Variants in SIN3B observed in about 807,000 individuals in gnomAD.
SIN3B encodes SIN3 transcription regulator family member B, also known as paired amphipathic helix protein Sin3b.
In SIN3B, 19 loss-of-function variants were observed where a neutral mutation model predicts 120.2. The ratio of observed to expected loss-of-function variants is 0.16; its 90% CI spans 0.11 to 0.23. The LOEUF is 0.23. Among genes scored for constraint, SIN3B ranks in the 10% least tolerant of loss-of-function variants. The pLI, the probability that SIN3B is intolerant of heterozygous loss-of-function variation, is 1.00. For missense variants in SIN3B, 1,073 were observed against 1,573.0 expected (o/e 0.68, Z 5.38); for synonymous variants, 654 against 653.2 (o/e 1.00, Z -0.02).
intron 5 of SIN3B, among the ~76,000 whole-genome samples, chr19:16,850,821 A>G (rs1468191748): frequency 6.6e-6 from 1 of 152,192 alleles, no homozygotes; most frequent in Non-Finnish European, 1.5e-5. Flanking sequence ...CCTGCTCGGG[A>G]CAAGCATCCT....
intron 3 of SIN3B, among the ~76,000 whole-genome samples, chr19:16,841,334 A>G (rs1971414037): frequency 6.6e-6 from 1 of 152,052 alleles, no homozygotes; most frequent in Non-Finnish European, 1.5e-5. Flanking sequence ...CCCATCTTAT[A>G]TATCCTACCT....
intron 5 of SIN3B, among the ~76,000 whole-genome samples, chr19:16,847,743 T>A (rs559109308): frequency 3.5e-4 from 53 of 152,352 alleles, no homozygotes; most frequent in Non-Finnish European, 6.8e-4. Flanking sequence ...AAGACTTTTT[T>A]AAAAATTGAA....
At chr19:16,873,522 TC>T (rs36078258) in intron 14 of SIN3B, among the ~76,000 whole-genome samples, 58,609 of 112,890 alleles carry the variant, frequency 0.52, 12,697 homozygotes, top group African/African-American at 0.61. Flanking sequence ...GTCTGTCCCC[TC>T]CCCCCCCCCC....
Position 16,875,849 on chromosome 19 carries a change from G to C in SIN3B, c.2593-206G>C. On this transcript the variant is annotated intron_variant, in intron 14 of 18. Transcript: ENST00000248054. Reference sequence around the variant, plus strand: ...TGTTTGGTTTGGTCTGGTCTGGTCTGGTCTGTTTGGTCTGGTCTGGTCTGG... The same window carrying C: ...TGTTTGGTTTGGTCTGGTCTGGTCTCGTCTGTTTGGTCTGGTCTGGTCTGG... The C allele has an allele frequency of 4.9e-6, 3 of 617,302 alleles. No homozygotes were observed. The East Asian group carries it at 8.4e-5, about 17-fold the overall frequency. The allele number at this position is 617,302 out of a possible 1,614,324, so 38.2% of individuals were successfully genotyped here. A position where few individuals can be genotyped will look rare whatever the true frequency, so the allele number is the denominator to read the frequency against.
intron 10 of SIN3B, chr19:16,865,129 C>T (rs2144613247): frequency 3.1e-6 from 1 of 319,824 alleles, no homozygotes; most frequent in Non-Finnish European, 5.8e-6. Context: ...CCGTGCCCGG[C>T]CATAAATTTT....
rs1366834439 is a variant in SIN3B at position 16,829,928 on chromosome 19, G to A, written c.227+31G>A. The A allele has an allele frequency of 3.9e-6, 6 of 1,522,864 alleles. No individual in the cohort carries two copies. In the East Asian group the frequency reaches 1.1e-4, roughly 29 times the overall value. 94.3% of individuals were successfully genotyped at this position (1,522,864 alleles called of 1,614,324 possible). On this transcript the variant is annotated intron_variant, in intron 2 of 18. Coordinates refer to ENST00000248054, the MANE Select transcript of SIN3B (RefSeq NM_001297595.2). Reference sequence around the variant, plus strand: ...AGCGGGGCCCCTCTCCACCTCAGGGGACCCCCCTGGGCCGGAATCGGGCCT... The same window carrying A: ...AGCGGGGCCCCTCTCCACCTCAGGGAACCCCCCTGGGCCGGAATCGGGCCT...
rs762890395 is a variant in SIN3B, at chr19:16,831,533, C to T, written c.267C>T (p.Leu89=). The change falls in exon 3 of 19, where the codon CTC becomes CTT. Residue 89 remains leucine, a synonymous_variant. Transcript: ENST00000248054. ...GAGTCATCAGACGTGTCTCGCAGCTCTTCCACGAGCACCCTGACCTCATTG... is the reference window on the plus strand; with the variant it reads ...GAGTCATCAGACGTGTCTCGCAGCTTTTCCACGAGCACCCTGACCTCATTG... ...TPGVIRRVSQ[L]FHEHPDLIVG... The T allele has an allele frequency of 6.2e-7, 1 of 1,614,120 alleles. No homozygotes were observed. The highest frequency in any genetic ancestry group is 2.2e-5 in the East Asian group (1 of 44,878).
chr19:16,867,387 C>G (rs76712415), intron 12 of SIN3B, among the ~76,000 whole-genome samples: 2,072 of 152,162 alleles, frequency 0.014, 22 homozygotes, highest in Non-Finnish European at 0.022. Flanking sequence ...AGTCATAGAA[C>G]CAAGGCCAGC....
chr19:16,840,088 A>G (rs1249180390), intron 3 of SIN3B, among the ~76,000 whole-genome samples: 2 of 152,136 alleles, frequency 1.3e-5, no homozygotes, highest in Admixed American at 1.3e-4. Flanking sequence ...TGCTTTTCTC[A>G]GCTGAGACTT....
At chr19:16,844,535 T>C (rs1971456898) in intron 4 of SIN3B, among the ~76,000 whole-genome samples, 2 of 152,218 alleles carry the variant, frequency 1.3e-5, no homozygotes, top group South Asian at 2.1e-4. Context: ...ATGCATGTCC[T>C]GTGTGTGCTG....
chr19:16,864,776 A>G (rs1225362374), intron 10 of SIN3B, among the ~76,000 whole-genome samples: 2 of 150,760 alleles, frequency 1.3e-5, no homozygotes, highest in South Asian at 2.1e-4. Flanking sequence ...GGACTGCTTG[A>G]GGCCAGGAGT....
intron 2 of SIN3B, 38 bp downstream of exon 2, chr19:16,829,935 C>A: frequency 6.7e-7 from 1 of 1,481,816 alleles, no homozygotes; most frequent in Non-Finnish European, 9.4e-7. Context: ...GGGGACCCCC[C>A]TGGGCCGGAA....
chr19:16,835,234 T>A (rs1209102739), intron 3 of SIN3B, among the ~76,000 whole-genome samples: 1 of 150,262 alleles, frequency 6.7e-6, no homozygotes, highest in Non-Finnish European at 1.5e-5. Flanking sequence ...CCATCTTTTT[T>A]TTTTTTTTTT....
chr19:16,832,657 C>T lies in SIN3B; in HGVS notation c.381+1010C>T, dbSNP rs996292403. 3.3e-5 allele frequency among the ~76,000 whole-genome samples: 5 copies of T among 151,890 alleles called. No homozygotes were observed. The South Asian group carries it at 6.2e-4, about 19-fold the overall frequency. ...CTAGGACTACAGGCGTGCACCACCA[C>T]GGCCAGCTAATTTATTTATTTTTTT... On this transcript the variant is annotated intron_variant, in intron 3 of 18. Coordinates refer to ENST00000248054, the MANE Select transcript of SIN3B (RefSeq NM_001297595.2).
chr19:16,876,474 C>CCTGCT lies in SIN3B; in HGVS notation c.2767-10_2767-6dup, dbSNP rs1296460032. 6.2e-7 allele frequency: 1 copy of CCTGCT among 1,611,214 alleles called. No individual in the cohort carries two copies. Among genetic ancestry groups the CCTGCT allele is most frequent in the Non-Finnish European group, 8.5e-7 (1 of 1,178,660 alleles). On this transcript the variant is annotated splice_polypyrimidine_tract_variant and intron_variant, in intron 15 of 18. Transcript: ENST00000248054. This position sits in a 1 kb window ranked among gnomAD's most constrained non-coding sequence, Gnocchi z 7.1. Reference sequence around the variant, plus strand: ...GCCGGCAGTGGAGGCTGTCAGCGTTCCTGCTCCGCAGGTGATGTTCCTGCA... The same window carrying CCTGCT: ...GCCGGCAGTGGAGGCTGTCAGCGTTCCTGCTCTGCTCCGCAGGTGATGTTCCTGCA...
At chr19:16,859,139 G>A (rs1568420166) in intron 8 of SIN3B, among the ~76,000 whole-genome samples, 1 of 152,088 alleles carries the variant, frequency 6.6e-6, no homozygotes, top group African/African-American at 2.4e-5. Context: ...AACAGAGTGA[G>A]AACCTGTCTC....
In SIN3B at chr19:16,879,471, C is replaced by G. The variant is rs1485462611; in HGVS notation, c.*744C>G. 6.6e-6 allele frequency: 1 copy of G among 152,418 alleles called. No homozygotes were observed. The highest frequency in any genetic ancestry group is 1.5e-5 in the Non-Finnish European group (1 of 68,196). 9.4% of individuals were successfully genotyped at this position (152,418 alleles called of 1,614,324 possible). ...GTATTCCCTCAGAGCCGGCACGACC[C>G]TGCTGTGGGGCGGCGGGCCCAGTCG... On this transcript the variant is annotated 3_prime_UTR_variant, in exon 19 of 19. Transcript: ENST00000248054.
chr19:16,836,782 C>T (rs1971353927), intron 3 of SIN3B, among the ~76,000 whole-genome samples: 1 of 152,178 alleles, frequency 6.6e-6, no homozygotes, highest in African/African-American at 2.4e-5. Context: ...CAGAGATAAC[C>T]CCTTAACGTG....
rs746152842 is a variant in SIN3B, at chr19:16,862,458, A to G, written c.1165A>G (p.Ile389Val). Residue 389 changes from isoleucine to valine, a missense_variant, in exon 9 of 19, where the codon ATT (isoleucine) becomes GTT (valine). By Grantham distance (29) the Ile-to-Val change is conservative. Around this residue, in one of 7 missense-constraint regions of SIN3B, gnomAD observed 395 missense variants for 528.0 expected, o/e 0.75. Coordinates refer to ENST00000248054, the MANE Select transcript of SIN3B (RefSeq NM_001297595.2). The surrounding 1 kb of genome is among the most constrained non-coding windows in gnomAD (Gnocchi z 4.7). Reference sequence around the variant, plus strand: ...ATCCGGGGACGGGATAAGCCGGGAAATTGATTATGCATCCTGCAAGCGCAT... The same window carrying G: ...ATCCGGGGACGGGATAAGCCGGGAAGTTGATTATGCATCCTGCAAGCGCAT... ...DRSGDGISRE[I>V]DYASCKRIGS... is the part of the protein sequence containing the mutation. 1.9e-6 allele frequency: 3 copies of G among 1,614,026 alleles called. No homozygotes were observed. In the African/African-American group the frequency reaches 4.0e-5, roughly 22 times the overall value.
Sources: allele counts gnomAD v4.1 joint callset (sites outside exome capture counted in the v4.1 genomes callset), GRCh38; gene constraint gnomAD v4.1.1; regional missense constraint gnomAD v4.1.1; non-coding constraint Gnocchi (gnomAD v3.1); transcripts MANE v1.5; gene names NCBI Gene and HGNC (gene_info 2026-07-23, HGNC 2026-07-21).